The following PIKFYVE variants were observed in gnomAD, a reference collection of about 807,000 sequenced individuals.
The protein encoded by PIKFYVE is phosphoinositide kinase, FYVE-type zinc finger containing.
In PIKFYVE, 122 loss-of-function variants were observed where a neutral mutation model predicts 257.9. The ratio of observed to expected loss-of-function variants is 0.47; its 90% confidence interval spans 0.41 to 0.55. The LOEUF (loss-of-function observed/expected upper bound fraction) is 0.55, where lower values mean the gene tolerates loss of function less well. Ranked by LOEUF, PIKFYVE falls within the 20% of genes least tolerant of loss-of-function variation. The probability of loss-of-function intolerance (pLI) is 0.00; values close to 1 mark genes in which losing one functional copy is unlikely to be tolerated. For missense variants in PIKFYVE, 2,160 were observed against 2,536.6 expected (o/e 0.85, Z 3.19); for synonymous variants, 892 against 868.9 (o/e 1.03, Z -0.47).
At chr2:208,279,060 C>T (rs1014398219) in intron 5 of PIKFYVE, among the ~76,000 whole-genome samples, 2 of 152,124 alleles carry the variant, frequency 1.3e-5, no homozygotes, top group African/African-American at 4.8e-5. Flanking sequence ...TGCAGCTTTA[C>T]CAGCATTCGT....
At chr2:208,269,958 G>T in intron 1 of PIKFYVE, 1 of 231,700 alleles carries the variant, frequency 4.3e-6, no homozygotes, top group South Asian at 8.6e-5. Context: ...TGGGAGGCAT[G>T]ATGTCTGGTG....
Position 208,350,015 on chromosome 2 carries a change from A to G in PIKFYVE, c.5375-9A>G. The G allele has an allele frequency of 6.2e-7, 1 of 1,611,600 alleles. No individual in the cohort carries two copies. Among genetic ancestry groups the G allele is most frequent in the Non-Finnish European group, 8.5e-7 (1 of 1,178,398 alleles). On this transcript the variant is annotated splice_polypyrimidine_tract_variant and intron_variant, in intron 35 of 41. Transcript: ENST00000264380. ...ACCTTGGCTTTACTAATGATATTAA[A>G]CCTTTTAGATGAAGTAGATGGAGGA... is the stretch of plus-strand genomic sequence containing the variant.
Position 208,356,599 on chromosome 2 carries a change from A to C in PIKFYVE, c.*1294A>C, listed in dbSNP as rs905375855. The C allele has an allele frequency of 6.5e-6, 1 of 152,746 alleles. No individual in the cohort carries two copies. The highest frequency in any genetic ancestry group is 2.4e-5 in the African/African-American group (1 of 41,458). The allele number at this position is 152,746 out of a possible 1,614,324, so 9.5% of individuals were successfully genotyped here. A position where few individuals can be genotyped will look rare whatever the true frequency, so the allele number is the denominator to read the frequency against. On this transcript the variant is annotated 3_prime_UTR_variant, in exon 42 of 42. Coordinates refer to ENST00000264380, the MANE Select transcript of PIKFYVE (RefSeq NM_015040.4). ...AACCTGGGAGGCGGAGGCTGCAGTG[A>C]GCTGGGATTACACCATTGCATTCCA...
chr2:208,287,819 C>T lies in PIKFYVE; in HGVS notation c.822-910C>T, dbSNP rs1033455502. ...TTTGCCATGTTGGCCAGGCTGGTCT[C>T]GAATTCCTAGGCTCCAGTGATTTGC... On this transcript the variant is annotated intron_variant, in intron 6 of 41. Coordinates refer to ENST00000264380, the MANE Select transcript of PIKFYVE (RefSeq NM_015040.4). Among the ~76,000 whole-genome samples, 32 of 152,018 alleles carry T rather than the reference C, an allele frequency of 2.1e-4. 1 individual carries two copies. The highest frequency in any genetic ancestry group is 4.1e-4 in the African/African-American group (17 of 41,382).
In PIKFYVE at chr2:208,337,449, G is replaced by T. The variant is rs1698252195; in HGVS notation, c.4611+521G>T. On this transcript the variant is annotated intron_variant, in intron 28 of 41. Coordinates refer to ENST00000264380, the MANE Select transcript of PIKFYVE (RefSeq NM_015040.4). ...ATATCTATATAGATATTTATAGACA[G>T]ATACATCTATATAGATATATATAGA... 2.0e-5 allele frequency among the ~76,000 whole-genome samples: 3 copies of T among 151,702 alleles called. No individual in the cohort carries two copies. In the South Asian group the frequency reaches 6.2e-4, roughly 32 times the overall value.
At chr2:208,291,501 G>A (rs961325077) in intron 7 of PIKFYVE, among the ~76,000 whole-genome samples, 16 of 152,088 alleles carry the variant, frequency 1.1e-4, no homozygotes, top group Non-Finnish European at 1.9e-4. Flanking sequence ...GAGTTAGAAA[G>A]TATTTCCTCT....
chr2:208,335,462 G>A, intron 25 of PIKFYVE, 43 bp downstream of exon 25: 2 of 1,374,794 alleles, frequency 1.5e-6, no homozygotes, highest in Non-Finnish European at 2.1e-6. Flanking sequence ...TTTATTTACA[G>A]CTATTTTAAA....
intron 16 of PIKFYVE, among the ~76,000 whole-genome samples, chr2:208,319,950 C>G (rs934713): frequency 0.029 from 4,380 of 151,876 alleles, 197 homozygotes; most frequent in African/African-American, 0.099. Context: ...CGTGCACACT[C>G]AGGGCATGAT....
At chr2:208,290,129 G>A (rs561436904) in intron 7 of PIKFYVE, among the ~76,000 whole-genome samples, 2 of 152,162 alleles carry the variant, frequency 1.3e-5, no homozygotes, top group South Asian at 2.1e-4. Context: ...CATGATCATC[G>A]TCTAAAAGTT....
At chr2:208,305,462 A>G (rs1046417866) in intron 12 of PIKFYVE, 1 of 954,236 alleles carries the variant, frequency 1.0e-6, no homozygotes, top group African/African-American at 1.8e-5. Context: ...AAAATCATTC[A>G]CACATTCCAA....
chr2:208,331,365 C>T (rs10210393), intron 23 of PIKFYVE, among the ~76,000 whole-genome samples: 141,506 of 152,128 alleles, frequency 0.93, 66,337 homozygotes, highest in Non-Finnish European at 0.98. Flanking sequence ...ATTTAACTTA[C>T]TACCTTAATT....
intron 5 of PIKFYVE, among the ~76,000 whole-genome samples, chr2:208,283,092 G>A (rs1028865336): frequency 3.3e-5 from 5 of 152,134 alleles, no homozygotes; most frequent in African/African-American, 4.8e-5. Flanking sequence ...GGCTACGGAC[G>A]GGGAGTAGTA....
chr2:208,328,146 T>G (rs753598367), intron 20 of PIKFYVE, 34 bp from the exon 21 acceptor site: 15 of 1,612,898 alleles, frequency 9.3e-6, no homozygotes, highest in Non-Finnish European at 8.5e-6. Context: ...GCGGTTGCAG[T>G]CACTTGCTCA....
At position 208,350,034 on chromosome 2, in the gene PIKFYVE, T is replaced by C. The variant is rs1559175106; in HGVS notation, c.5385T>C (p.Asp1795=). ...NQGVEPQDEV[D]GGDTQKKQLI... is the part of the protein sequence containing the mutation. The stretch of plus-strand genomic sequence containing the variant: ...TATTAAACCTTTTAGATGAAGTAGA[T>C]GGAGGAGATACACAAAAGAAGCAAC... Residue 1795 remains aspartate (D), a synonymous_variant, in exon 36 of 42, where the codon GAT becomes GAC. Transcript: ENST00000264380. The C allele has an allele frequency of 6.2e-7, 1 of 1,612,042 alleles. No individual in the cohort carries two copies. The highest frequency in any genetic ancestry group is 8.5e-7 in the Non-Finnish European group (1 of 1,178,698).
Position 208,343,509 on chromosome 2 carries a change from A to T in PIKFYVE, c.5027+860A>T, listed in dbSNP as rs1474554102. 2.0e-5 allele frequency among the ~76,000 whole-genome samples: 3 copies of T among 152,234 alleles called. No homozygotes were observed. The South Asian group carries it at 6.2e-4, about 31-fold the overall frequency. ...GTACATACATACCTATGATAAAGTTAAATTTATAAATTAGCCTAGCCACAG... is the reference window on the plus strand; with the variant it reads ...GTACATACATACCTATGATAAAGTTTAATTTATAAATTAGCCTAGCCACAG... On this transcript the variant is annotated intron_variant, in intron 32 of 41. Coordinates refer to ENST00000264380, the MANE Select transcript of PIKFYVE (RefSeq NM_015040.4).
chr2:208,324,250 C>T lies in PIKFYVE; in HGVS notation c.2299C>T (p.His767Tyr). 1 of 1,613,912 alleles carries T rather than the reference C, an allele frequency of 6.2e-7. No homozygotes were observed. Among genetic ancestry groups the T allele is most frequent in the South Asian group, 1.1e-5 (1 of 91,072 alleles). ...SRIAQDMLLE[H>Y]GITLVINVKS... is the part of the protein sequence containing the mutation. ...GATTGCCCAGGACATGTTATTGGAA[C>T]ATGGCATTACTTTGGTCATTAATGT... The change falls in exon 18 of 42, where the codon CAT (histidine) becomes TAT (tyrosine). Residue 767 changes from histidine to tyrosine, a missense_variant. Around this residue, in one of 12 missense-constraint regions of PIKFYVE, gnomAD observed 346 missense variants for 365.6 expected, o/e 0.95. Coordinates refer to ENST00000264380, the MANE Select transcript of PIKFYVE (RefSeq NM_015040.4).
chr2:208,277,163 G>A (rs934759334), intron 4 of PIKFYVE, among the ~76,000 whole-genome samples: 3 of 152,108 alleles, frequency 2.0e-5, no homozygotes, highest in Non-Finnish European at 2.9e-5. Flanking sequence ...TGTCCAGTTG[G>A]ATATAGTACC....
In PIKFYVE at chr2:208,287,291, CAG is replaced by C. The variant is rs1574459999; in HGVS notation, c.821+1361_821+1362del. Reference sequence around the variant, plus strand: ...TTTTCTTTTTTTTTTTTTTTTGAGACAGAGTTTTTTTTGCTCTTGTTGCCCAG... The same window carrying C: ...TTTTCTTTTTTTTTTTTTTTTGAGACAGTTTTTTTTGCTCTTGTTGCCCAG... On this transcript the variant is annotated intron_variant, in intron 6 of 41. Transcript: ENST00000264380. Among the ~76,000 whole-genome samples, 4 of 137,008 alleles carry C rather than the reference CAG, an allele frequency of 2.9e-5. No individual in the cohort carries two copies. In the East Asian group the frequency reaches 6.3e-4, roughly 22 times the overall value. The allele number at this position is 137,008 out of a possible 152,430, so 89.9% of individuals were successfully genotyped here.
At chr2:208,315,149 G>T in intron 14 of PIKFYVE, 44 bp from the exon 15 acceptor site, 1 of 1,503,254 alleles carries the variant, frequency 6.7e-7, no homozygotes, top group South Asian at 1.1e-5. Flanking sequence ...ATTGTCTCTG[G>T]CAGTATTAAC....
Sources: gnomAD v4.1 joint callset for allele counts (sites outside exome capture counted in the v4.1 genomes callset) on GRCh38, gnomAD v4.1.1 for gene constraint, gnomAD v4.1.1 regional missense constraint, MANE v1.5 for transcripts, NCBI Gene and HGNC (gene_info 2026-07-23, HGNC 2026-07-21) for gene names.